The following NADSYN1 variants were observed in gnomAD, a reference collection of about 807,000 sequenced individuals.
NADSYN1 encodes glutamine-dependent NAD(+) synthetase.
A neutral mutation model predicts 99.3 loss-of-function variants in NADSYN1; 80 were observed. The ratio of observed to expected loss-of-function variants is 0.81; its 90% CI spans 0.67 to 0.97. NADSYN1 has a LOEUF of 0.97. NADSYN1 is among the 50% of genes least tolerant of loss of function. The pLI is 0.00. For missense variants in NADSYN1, 859 were observed against 948.5 expected (o/e 0.91, Z 1.24); for synonymous variants, 385 against 372.1 (o/e 1.03, Z -0.40).
chr11:71,469,873 C>T (rs918821713), intron 5 of NADSYN1, among the ~76,000 whole-genome samples: 1 of 143,402 alleles, frequency 7.0e-6, no homozygotes, highest in African/African-American at 2.6e-5. Flanking sequence ...CTGCAGCAAA[C>T]TGTGATTGTG....
chr11:71,494,247 A>G (rs1949804185), intron 18 of NADSYN1, among the ~76,000 whole-genome samples: 1 of 151,856 alleles, frequency 6.6e-6, no homozygotes, highest in South Asian at 2.1e-4. Context: ...CCCATCTTTT[A>G]CCCTTTCTAC....
At chr11:71,485,992 C>T (rs1949740165) in intron 16 of NADSYN1, among the ~76,000 whole-genome samples, 1 of 152,208 alleles carries the variant, frequency 6.6e-6, no homozygotes, top group Non-Finnish European at 1.5e-5. Context: ...CTAGTTTTTA[C>T]CTCCAAACCA....
rs1479436879 is a variant in NADSYN1 at position 71,491,835 on chromosome 11, A to C, written c.1696A>C (p.Ile566Leu). ...GACCTCTGTGTGTTTTGGCTGCAGC[A>C]TCCTGTTGGCGCCGGCCACCGCAGA... ...QRFQLPALQS[I>L]LLAPATAELE... Residue 566 changes from isoleucine to leucine, a missense_variant and splice_region_variant, in exon 18 of 21, where the codon ATC becomes CTC. Transcript: ENST00000319023. The C allele has an allele frequency of 1.2e-6, 2 of 1,613,780 alleles. No homozygotes were observed. The highest frequency in any genetic ancestry group is 2.7e-5 in the African/African-American group (2 of 74,896).
intron 16 of NADSYN1, among the ~76,000 whole-genome samples, chr11:71,486,880 A>G (rs915232330): frequency 2.4e-5 from 3 of 127,658 alleles, no homozygotes; most frequent in Admixed American, 1.1e-4. Flanking sequence ...ATCTCGGCTC[A>G]CTGCAAGTTC....
At chr11:71,458,259 T>A (rs1949526030) in intron 2 of NADSYN1, among the ~76,000 whole-genome samples, 169 bp from the exon 3 acceptor site, 1 of 152,210 alleles carries the variant, frequency 6.6e-6, no homozygotes, top group Non-Finnish European at 1.5e-5. Context: ...CACATCTGGC[T>A]GCGGCAGTGG....
intron 16 of NADSYN1, 114 bp from the exon 17 acceptor site, chr11:71,490,731 A>G: frequency 6.9e-7 from 1 of 1,458,724 alleles, no homozygotes; most frequent in Non-Finnish European, 9.3e-7. Context: ...GGATGCTTGA[A>G]TATGCCACAC....
At chr11:71,477,028 A>AG in intron 9 of NADSYN1, 1 of 1,068,110 alleles carries the variant, frequency 9.4e-7, no homozygotes, top group Non-Finnish European at 1.1e-6. Flanking sequence ...GCCCTCCACC[A>AG]GGTCCTCCGT....
intron 19 of NADSYN1, 55 bp downstream of exon 19, chr11:71,497,666 G>T (rs1296807008): frequency 6.2e-7 from 1 of 1,610,294 alleles, no homozygotes; most frequent in Admixed American, 1.7e-5. Context: ...TGTCCCCTTT[G>T]CAGAGGCCGG....
At chr11:71,498,224 C>A in intron 19 of NADSYN1, 128 bp from the exon 20 acceptor site, 1 of 1,053,212 alleles carries the variant, frequency 9.5e-7, no homozygotes, top group Non-Finnish European at 1.4e-6. Flanking sequence ...CCCACACCTG[C>A]CATCGTGGAA....
intron 16 of NADSYN1, among the ~76,000 whole-genome samples, chr11:71,490,209 C>T (rs1186580140): frequency 1.3e-5 from 2 of 152,178 alleles, no homozygotes; most frequent in Non-Finnish European, 2.9e-5. Context: ...CCGTCTTCAC[C>T]ACCAGCGGCC....
At position 71,481,426 on chromosome 11, in the gene NADSYN1, G is replaced by A. The variant is rs751421645; in HGVS notation, c.1047+22G>A. Reference sequence around the variant, plus strand: ...ACAGGTAAGACTTCCAGTTTCTAGTGAGCCCACTTTGCTTGTTCTGCTGGT... The same window carrying A: ...ACAGGTAAGACTTCCAGTTTCTAGTAAGCCCACTTTGCTTGTTCTGCTGGT... On this transcript the variant is annotated intron_variant, in intron 12 of 20. Transcript: ENST00000319023. 6.2e-6 allele frequency: 10 copies of A among 1,612,534 alleles called. 1 individual carries two copies. In the South Asian group the frequency reaches 1.1e-4, roughly 18 times the overall value.
At chr11:71,453,712 A>AG (rs1229321087) in intron 1 of NADSYN1, among the ~76,000 whole-genome samples, 2 of 152,178 alleles carry the variant, frequency 1.3e-5, no homozygotes, top group Non-Finnish European at 2.9e-5. Flanking sequence ...TCTCGGAGAT[A>AG]TCTAAGTTGA....
intron 16 of NADSYN1, among the ~76,000 whole-genome samples, chr11:71,487,830 CAAAAA>C (rs71049984): frequency 2.5e-5 from 2 of 80,098 alleles, no homozygotes; most frequent in Admixed American, 1.6e-4. Context: ...GACTCCGTCT[CAAAAA>C]AAAAAAAAAA....
chr11:71,494,229 G>C (rs1241108716), intron 18 of NADSYN1, among the ~76,000 whole-genome samples: 1 of 152,142 alleles, frequency 6.6e-6, no homozygotes, highest in Non-Finnish European at 1.5e-5. Flanking sequence ...AGTGCCCTAT[G>C]CAGGTGTCCC....
chr11:71,499,384 A>G (rs1283309167), intron 20 of NADSYN1: 1 of 152,190 alleles, frequency 6.6e-6, no homozygotes, highest in Non-Finnish European at 1.5e-5. Context: ...CAATGGCTAC[A>G]CTAATTGCTG....
At chr11:71,472,855 A>C (rs1949636763) in intron 6 of NADSYN1, among the ~76,000 whole-genome samples, 1 of 152,174 alleles carries the variant, frequency 6.6e-6, no homozygotes. Context: ...CCCTACTCTC[A>C]ATTTTGAATT....
At chr11:71,481,520 ATTTCATCAC>A (rs1303876143) in intron 12 of NADSYN1, 116 bp downstream of exon 12, 1 of 1,031,104 alleles carries the variant, frequency 9.7e-7, no homozygotes, top group African/African-American at 1.6e-5. Flanking sequence ...AACAAAAAGC[ATTTCATCAC>A]TCTGCCTCCA....
chr11:71,472,669 C>T (rs932513701), intron 6 of NADSYN1, among the ~76,000 whole-genome samples, 169 bp downstream of exon 6: 2 of 152,200 alleles, frequency 1.3e-5, no homozygotes, highest in Admixed American at 6.5e-5. Flanking sequence ...AGGGGGGCTG[C>T]GTGGCCAGAC....
At chr11:71,474,834 G>GA (rs1038943623) in intron 9 of NADSYN1, 4 of 390,968 alleles carry the variant, frequency 1.0e-5, no homozygotes, top group African/African-American at 8.3e-5. Flanking sequence ...GGTGAGGGGG[G>GA]ACCTCCCGCC....
Sources: allele counts gnomAD v4.1 joint callset (sites outside exome capture counted in the v4.1 genomes callset), GRCh38; gene constraint gnomAD v4.1.1; transcripts MANE v1.5; gene names NCBI Gene and HGNC (gene_info 2026-07-23, HGNC 2026-07-21).